The following MYG1 variants were observed in gnomAD, a reference collection of about 807,000 sequenced individuals.
The protein encoded by MYG1 is UPF0160 protein MYG1, mitochondrial.
A neutral mutation model predicts 43.5 loss-of-function variants in MYG1; 36 were observed. The observed-to-expected ratio is 0.83, with a 90% CI of 0.63 to 1.09. MYG1 has a LOEUF of 1.09. Among genes scored for constraint, MYG1 ranks in the 50% least tolerant of loss-of-function variants. The pLI, the probability that MYG1 is intolerant of heterozygous loss-of-function variation, is 0.00. For synonymous variants in MYG1, 220 were observed against 202.8 expected (o/e 1.08, Z -0.72); for missense variants, 529 against 495.1 (o/e 1.07, Z -0.65).
chr12:53,306,518 AT>A (rs888679626), intron 5 of MYG1, 161 bp from the exon 6 acceptor site: 18 of 1,088,800 alleles, frequency 1.7e-5, no homozygotes, highest in Non-Finnish European at 2.3e-5. Flanking sequence ...TAATTTTTGT[AT>A]TTTTTGTAGA....
In MYG1 at chr12:53,307,068, C is replaced by T. The variant is rs371647277; in HGVS notation, c.1050C>T (p.Gly350=). 8.1e-5 allele frequency: 130 copies of T among 1,614,214 alleles called. No homozygotes were observed. In the East Asian group the frequency reaches 9.8e-4, roughly 12 times the overall value. Residue 350 remains glycine, a synonymous_variant, in exon 7 of 7, where the codon GGC becomes GGT. Coordinates refer to ENST00000267103, the MANE Select transcript of MYG1 (RefSeq NM_021640.4). ...CIFVHASGFT[G]GHHTREGALS... The stretch of plus-strand genomic sequence containing the variant: ...TCGTCCATGCAAGCGGCTTCACTGG[C>T]GGTCACCACACCCGAGAGGGTGCCT...
In MYG1 at chr12:53,307,145, C is replaced by G. The variant is rs776767331; in HGVS notation, c.1127C>G (p.Ser376Cys). 4.4e-6 allele frequency: 7 copies of G among 1,607,302 alleles called. No individual in the cohort carries two copies. The African/African-American group carries it at 8.0e-5, about 18-fold the overall frequency. ...LAQRSYLPQI[S>C] is the part of the protein sequence containing the mutation. ...CAGCGCTCATACCTCCCACAAATCT[C>G]CTAGTCTAATAAAACCTTCCATCTC... Residue 376 changes from serine to cysteine, a missense_variant, in exon 7 of 7, where the codon TCC becomes TGC. Physicochemically the swap from Ser to Cys is moderately radical, Grantham distance 112 (BLOSUM62 -1). Transcript: ENST00000267103.
intron 2 of MYG1, among the ~76,000 whole-genome samples, chr12:53,301,119 A>C (rs972841010): frequency 6.6e-6 from 1 of 151,716 alleles, no homozygotes; most frequent in Admixed American, 6.6e-5. Context: ...GGGTTTCACC[A>C]TATTGGCCAG....
At chr12:53,305,478 CT>C (rs1271264191) in intron 3 of MYG1, among the ~76,000 whole-genome samples, 1 of 152,110 alleles carries the variant, frequency 6.6e-6, no homozygotes. Context: ...TCCCACTTGA[CT>C]TGTGTTCTCA....
intron 3 of MYG1, chr12:53,303,584 T>A (rs1944246762): frequency 5.8e-6 from 1 of 171,506 alleles, no homozygotes; most frequent in African/African-American, 2.4e-5. Context: ...GGAGTGTATG[T>A]TAGGCACCAC....
chr12:53,304,900 G>A (rs373632456), intron 3 of MYG1, among the ~76,000 whole-genome samples: 2 of 117,038 alleles, frequency 1.7e-5, no homozygotes, highest in African/African-American at 6.7e-5. Flanking sequence ...ACGGAGTCTC[G>A]CTCTGTCGCC....
At chr12:53,303,382 C>T in intron 3 of MYG1, 189 bp downstream of exon 3, 1 of 608,310 alleles carries the variant, frequency 1.6e-6, no homozygotes. Flanking sequence ...TGTCTACATC[C>T]TGGGGTGGTT....
chr12:53,300,073 C>T (rs1414076530), intron 1 of MYG1, 77 bp from the exon 2 acceptor site: 1 of 1,522,162 alleles, frequency 6.6e-7, no homozygotes, highest in Non-Finnish European at 8.9e-7. Context: ...TCCTACCCTT[C>T]CTGCCTCCCT....
chr12:53,303,118 C>T lies in MYG1; in HGVS notation c.414C>T (p.His138=). The change falls in exon 3 of 7, where the codon CAC becomes CAT. Residue 138 remains histidine (H), a synonymous_variant. Transcript: ENST00000267103. ...GCAGTGCGGGACTCATCTATCTGCA[C>T]TTCGGGCACAAGCTGCTGGCCCAGT... ...KLSSAGLIYL[H]FGHKLLAQLL... The T allele has an allele frequency of 6.2e-7, 1 of 1,614,164 alleles. No homozygotes were observed. The highest frequency in any genetic ancestry group is 8.5e-7 in the Non-Finnish European group (1 of 1,180,032).
At chr12:53,300,384 A>G in intron 2 of MYG1, 122 bp downstream of exon 2, 1 of 711,102 alleles carries the variant, frequency 1.4e-6, no homozygotes, top group Non-Finnish European at 2.3e-6. Context: ...CTGAAATCAA[A>G]CTCCCACTAG....
At position 53,299,934 on chromosome 12, in the gene MYG1, G is replaced by C; in HGVS notation, c.197G>C (p.Arg66Pro). The change falls in exon 1 of 7, where the codon CGC becomes CCC. Residue 66 changes from arginine (R) to proline (P), a missense_variant. By Grantham distance (103) the Arg-to-Pro change is moderately radical (BLOSUM62 -2). Transcript: ENST00000267103. ...GAGGCACTGGCATGCGCACTGCTTC[G>C]CCTCCTGCCGGAGTACCGGGTACGG... ...CDEALACALL[R>P]LLPEYRDAEI... The C allele has an allele frequency of 6.2e-7, 1 of 1,614,170 alleles. No individual in the cohort carries two copies. The highest frequency in any genetic ancestry group is 8.5e-7 in the Non-Finnish European group (1 of 1,180,026).
intron 3 of MYG1, 91 bp from the exon 4 acceptor site, chr12:53,305,817 G>A: frequency 6.8e-7 from 1 of 1,468,240 alleles, no homozygotes; most frequent in Non-Finnish European, 9.1e-7. Context: ...TCACAGGGCT[G>A]AAAGAGTGTG....
At chr12:53,301,045 G>A (rs1019132613) in intron 2 of MYG1, among the ~76,000 whole-genome samples, 3 of 151,000 alleles carry the variant, frequency 2.0e-5, no homozygotes, top group African/African-American at 7.3e-5. Context: ...TCAGCCTCCC[G>A]AGTAGCTGGG....
Position 53,299,812 on chromosome 12 carries a change from G to C in MYG1, c.75G>C (p.Met25Ile), listed in dbSNP as rs1440104600. 1 of 1,614,026 alleles carries C rather than the reference G, an allele frequency of 6.2e-7. No individual in the cohort carries two copies. The highest frequency in any genetic ancestry group is 1.3e-5 in the African/African-American group (1 of 74,920). ...PPPPLYTRHR[M>I]LGPESVPPPK... is the part of the protein sequence containing the mutation. ...CACCCCTGTATACCCGGCACCGCAT[G>C]CTCGGTCCAGAGTCCGTCCCGCCCC... Residue 25 changes from methionine (M) to isoleucine (I), a missense_variant, in exon 1 of 7, where the codon ATG becomes ATC. Transcript: ENST00000267103.
At chr12:53,305,219 T>C (rs1020706444) in intron 3 of MYG1, among the ~76,000 whole-genome samples, 6 of 152,182 alleles carry the variant, frequency 3.9e-5, no homozygotes, top group African/African-American at 1.4e-4. Context: ...CAAGAAGAGC[T>C]GGGCATAGGA....
intron 2 of MYG1, among the ~76,000 whole-genome samples, chr12:53,301,026 T>C (rs1173485373): frequency 6.6e-6 from 1 of 151,940 alleles, no homozygotes; most frequent in African/African-American, 2.4e-5. Context: ...TTCAAGCGAT[T>C]CTCCTGTCTC....
chr12:53,304,152 TCA>T (rs1195057307), intron 3 of MYG1, among the ~76,000 whole-genome samples: 2 of 152,104 alleles, frequency 1.3e-5, no homozygotes, highest in Admixed American at 6.6e-5. Context: ...CCATCAGTTC[TCA>T]GTTTTAGCTT....
rs1464078988 is a variant in MYG1 at position 53,307,142 on chromosome 12, TCTC to T, written c.1127_1129del (p.Ser376del). ...GCCCAGCGCTCATACCTCCCACAAA[TCTC>T]CTAGTCTAATAAAACCTTCCATCTC... On this transcript the variant is annotated inframe_deletion, in exon 7 of 7. Transcript: ENST00000267103. 2.5e-6 allele frequency: 4 copies of T among 1,607,434 alleles called. No homozygotes were observed. The highest frequency in any genetic ancestry group is 2.2e-5 in the East Asian group (1 of 44,840).
chr12:53,300,078 C>T (rs1041010344), intron 1 of MYG1, 72 bp from the exon 2 acceptor site: 2 of 1,523,720 alleles, frequency 1.3e-6, no homozygotes, highest in Middle Eastern at 1.7e-4. Context: ...CCCTTCCTGC[C>T]TCCCTGAAGT....
Sources: allele counts gnomAD v4.1 joint callset (sites outside exome capture counted in the v4.1 genomes callset), GRCh38; gene constraint gnomAD v4.1.1; transcripts MANE v1.5; gene names NCBI Gene and HGNC (gene_info 2026-07-23, HGNC 2026-07-21).